The following TTBK2 variants were observed in gnomAD, a reference collection of about 807,000 sequenced individuals.
The protein encoded by TTBK2 is tau tubulin kinase 2, also known as tau-tubulin kinase 2.
A neutral mutation model predicts 110.8 loss-of-function variants in TTBK2; 28 were observed. The observed-to-expected ratio is 0.25, with a 90% CI of 0.19 to 0.35. TTBK2 has a LOEUF of 0.35. Ranked by LOEUF, TTBK2 falls within the 10% of genes least tolerant of loss-of-function variation. TTBK2 has a pLI of 1.00. For missense variants in TTBK2, 1,369 were observed against 1,500.3 expected (o/e 0.91, Z 1.45); for synonymous variants, 532 against 527.3 (o/e 1.01, Z -0.12).
intron 4 of TTBK2, among the ~76,000 whole-genome samples, chr15:42,834,106 C>G (rs985457268): frequency 6.8e-6 from 1 of 147,376 alleles, no homozygotes; most frequent in Non-Finnish European, 1.5e-5. Flanking sequence ...GTAAGAGGAT[C>G]ACTTGACCCC....
In TTBK2 at chr15:42,753,231, G is replaced by A. The variant is rs753800281; in HGVS notation, c.2015C>T (p.Pro672Leu). ...AGTTGACTGTGTAGATGCCACAGAA[G>A]GTCTAGGAATTGTAATCTGGAGAAG... ...GPLTAITIPR[P>L]SVASTQSTSG... Residue 672 changes from proline (P) to leucine (L), a missense_variant, in exon 14 of 15, where the codon CCT becomes CTT. Physicochemically the swap from Pro to Leu is moderately conservative, Grantham distance 98. This residue lies in a region of TTBK2 where 1,097 missense variants were observed against 1,114.7 expected (regional missense o/e 0.98). Transcript: ENST00000267890. 1 of 1,613,650 alleles carries A rather than the reference G, an allele frequency of 6.2e-7. No individual in the cohort carries two copies. The highest frequency in any genetic ancestry group is 2.2e-5 in the East Asian group (1 of 44,860).
At chr15:42,815,933 T>A (rs1392842717) in intron 7 of TTBK2, among the ~76,000 whole-genome samples, 348 of 33,754 alleles carry the variant, frequency 0.01, 4 homozygotes, top group African/African-American at 0.05. Context: ...TATTTAAAAA[T>A]ATATATATAT....
At chr15:42,802,207 T>G (rs557530328) in intron 9 of TTBK2, 1 of 998,666 alleles carries the variant, frequency 1.0e-6, no homozygotes, top group Non-Finnish European at 1.6e-6. Flanking sequence ...CAGGCTTTGG[T>G]TGACAGTGAT....
chr15:42,782,505 T>A (rs1890221288), intron 11 of TTBK2, among the ~76,000 whole-genome samples: 1 of 152,250 alleles, frequency 6.6e-6, no homozygotes, highest in South Asian at 2.1e-4. Context: ...TGTATTATAT[T>A]TGCTTGTGCA....
chr15:42,785,946 G>A (rs1265242936), intron 10 of TTBK2, among the ~76,000 whole-genome samples: 3 of 152,030 alleles, frequency 2.0e-5, no homozygotes, highest in East Asian at 1.9e-4. Context: ...CTGGTGTCAC[G>A]AGTATTTCAT....
rs771925756 is a variant in TTBK2 at position 42,752,573 on chromosome 15, A to G, written c.2673T>C (p.Gly891=). Residue 891 remains glycine (G), a synonymous_variant, in exon 14 of 15, where the codon GGT becomes GGC. Coordinates refer to ENST00000267890, the MANE Select transcript of TTBK2 (RefSeq NM_173500.4). ...AAAAAGTAGAGAGGTCTCCTTGATGACCTGGCAAGTCTTCACTCATGATGT... is the reference window on the plus strand; with the variant it reads ...AAAAAGTAGAGAGGTCTCCTTGATGGCCTGGCAAGTCTTCACTCATGATGT... The part of the protein sequence containing the change: ...DDDIMSEDLP[G]HQGDLSTFLH... The G allele has an allele frequency of 6.2e-7, 1 of 1,614,086 alleles. No individual in the cohort carries two copies.
intron 13 of TTBK2, among the ~76,000 whole-genome samples, chr15:42,761,846 TG>T (rs1326412669): frequency 2.0e-5 from 3 of 152,178 alleles, no homozygotes; most frequent in Non-Finnish European, 4.4e-5. Flanking sequence ...ACAGTGTTTG[TG>T]GGTGTAACGG....
chr15:42,843,416 C>T (rs1893312863), intron 3 of TTBK2, among the ~76,000 whole-genome samples: 7 of 152,140 alleles, frequency 4.6e-5, no homozygotes, highest in Admixed American at 4.6e-4. Context: ...TCCTAACTTG[C>T]CTTTTTGTAA....
chr15:42,775,767 AT>A (rs777361706), intron 12 of TTBK2, 44 bp from the exon 13 acceptor site: 54 of 1,471,370 alleles, frequency 3.7e-5, no homozygotes, highest in Non-Finnish European at 4.8e-5. Context: ...CTAAGGAAAC[AT>A]TTATTATATA....
At chr15:42,811,162 T>A (rs746793029) in intron 8 of TTBK2, among the ~76,000 whole-genome samples, 40 of 152,126 alleles carry the variant, frequency 2.6e-4, no homozygotes, top group Non-Finnish European at 4.3e-4. Context: ...AGCTAATTTT[T>A]AAAAAATTTT....
chr15:42,869,189 G>C (rs749103105), intron 3 of TTBK2, among the ~76,000 whole-genome samples: 1 of 152,110 alleles, frequency 6.6e-6, no homozygotes, highest in African/African-American at 2.4e-5. Flanking sequence ...CTGGGCTCAA[G>C]CGATTCTCAT....
At chr15:42,785,752 T>G (rs1308192792) in intron 10 of TTBK2, among the ~76,000 whole-genome samples, 1 of 152,098 alleles carries the variant, frequency 6.6e-6, no homozygotes, top group African/African-American at 2.4e-5. Context: ...TTTTTTTTTT[T>G]TTTTTAAATA....
In TTBK2 at chr15:42,876,073, C is replaced by T. The variant is rs562676922; in HGVS notation, c.69+2476G>A. ...GTGAAGAAACCATGTATAAATGGAT[C>T]CTCTAACCAAAACAATCTTCCTAGT... On this transcript the variant is annotated intron_variant, in intron 2 of 14. Transcript: ENST00000267890. 2.6e-5 allele frequency among the ~76,000 whole-genome samples: 4 copies of T among 152,128 alleles called. No homozygotes were observed. The East Asian group carries it at 5.8e-4, about 22-fold the overall frequency.
intron 1 of TTBK2, among the ~76,000 whole-genome samples, chr15:42,889,407 T>C (rs755428704): frequency 6.6e-6 from 1 of 152,174 alleles, no homozygotes; most frequent in Non-Finnish European, 1.5e-5. Flanking sequence ...CCCACCTCTA[T>C]ACAGTCCAAT....
chr15:42,757,935 T>C (rs2140636542), intron 13 of TTBK2, among the ~76,000 whole-genome samples: 1 of 152,330 alleles, frequency 6.6e-6, no homozygotes, highest in East Asian at 1.9e-4. Flanking sequence ...TTGACCAAAA[T>C]TAGTGTCTTA....
At chr15:42,761,730 A>G (rs1233134872) in intron 13 of TTBK2, among the ~76,000 whole-genome samples, 1 of 152,250 alleles carries the variant, frequency 6.6e-6, no homozygotes, top group East Asian at 1.9e-4. Flanking sequence ...ATGCAAATAA[A>G]AACCACAATG....
intron 11 of TTBK2, among the ~76,000 whole-genome samples, chr15:42,782,611 T>A (rs568315426): frequency 1.3e-5 from 2 of 152,356 alleles, no homozygotes; most frequent in East Asian, 3.8e-4. Context: ...TCTTCAATAT[T>A]TAGCTTAATG....
chr15:42,865,073 T>A (rs184834013), intron 3 of TTBK2, among the ~76,000 whole-genome samples: 132 of 152,278 alleles, frequency 8.7e-4, no homozygotes, highest in African/African-American at 3.1e-3. Flanking sequence ...GAAAGTGGAC[T>A]TGGATTAGTT....
intron 1 of TTBK2, among the ~76,000 whole-genome samples, chr15:42,883,097 G>A (rs1895107261): frequency 6.6e-6 from 1 of 152,070 alleles, no homozygotes; most frequent in African/African-American, 2.4e-5. Context: ...AAAAAAGGTA[G>A]AGGGCTGGGC....
Sources: gnomAD v4.1 joint callset for allele counts (sites outside exome capture counted in the v4.1 genomes callset) on GRCh38, gnomAD v4.1.1 for gene constraint, gnomAD v4.1.1 regional missense constraint, MANE v1.5 for transcripts, NCBI Gene and HGNC (gene_info 2026-07-23, HGNC 2026-07-21) for gene names.